NSUN7: variants seen among roughly 807,000 people sequenced by gnomAD.
NSUN7 encodes the protein protein NSUN7.
A neutral mutation model predicts 58.5 loss-of-function variants in NSUN7; 39 were observed. The ratio of observed to expected loss-of-function variants is 0.67; its 90% CI spans 0.52 to 0.87. NSUN7 has a LOEUF of 0.87. Ranked by LOEUF, NSUN7 falls within the 40% of genes least tolerant of loss-of-function variation. The pLI, the probability that NSUN7 is intolerant of heterozygous loss-of-function variation, is 0.00. For missense variants in NSUN7, 765 were observed against 844.1 expected, an observed-to-expected ratio of 0.91 and a Z score of 1.16; for synonymous variants, 278 against 303.7, an observed-to-expected ratio of 0.92 and a Z score of 0.88.
intron 10 of NSUN7, among the ~76,000 whole-genome samples, chr4:40,804,161 C>A (rs1457308898): frequency 2.0e-5 from 3 of 152,098 alleles, no homozygotes; most frequent in Non-Finnish European, 4.4e-5. Flanking sequence ...CTAATGGGGC[C>A]GGGCATGGTG....
chr4:40,750,662 G>C lies in NSUN7; in HGVS notation c.-32G>C, dbSNP rs1357689158. On this transcript the variant is annotated 5_prime_UTR_variant, in exon 2 of 12. Transcript: ENST00000381782. ...TGGAACATCGGAATTCTAACCCCAG[G>C]GTGAAGGACTCACGACAGGCGAGGG... 1 of 1,604,378 alleles carries C rather than the reference G, an allele frequency of 6.2e-7. No homozygotes were observed. Among genetic ancestry groups the C allele is most frequent in the Non-Finnish European group, 8.5e-7 (1 of 1,174,272 alleles).
intron 2 of NSUN7, among the ~76,000 whole-genome samples, chr4:40,751,826 C>T (rs145131062): frequency 6.6e-6 from 1 of 151,964 alleles, no homozygotes; most frequent in African/African-American, 2.4e-5. Flanking sequence ...GATCTCCTCT[C>T]TACAAAAAAA....
In NSUN7 at chr4:40,774,813, G is replaced by A. The variant is rs760093352; in HGVS notation, c.688G>A (p.Val230Ile). 12 of 1,560,264 alleles carry A rather than the reference G, an allele frequency of 7.7e-6. No individual in the cohort carries two copies. The highest frequency in any genetic ancestry group is 1.1e-5 in the Non-Finnish European group (12 of 1,136,708). ...TTTGAAGAGAAGAGGCTATAATAAA[G>A]TCAAATCTGTATTGCATATTGATGA... is the stretch of plus-strand genomic sequence containing the variant. ...NNLKRRGYNK[V>I]KSVLHIDDKV... Residue 230 changes from valine (V) to isoleucine (I), a missense_variant, in exon 6 of 12, where the codon GTC becomes ATC. Physicochemically the swap from Val to Ile is conservative, Grantham distance 29. Transcript: ENST00000381782.
At chr4:40,783,526 T>G (rs1262630106) in intron 7 of NSUN7, among the ~76,000 whole-genome samples, 1 of 152,096 alleles carries the variant, frequency 6.6e-6, no homozygotes, top group Admixed American at 6.6e-5. Context: ...AATTAAAAAC[T>G]TTTGTGCTTC....
intron 11 of NSUN7, among the ~76,000 whole-genome samples, chr4:40,807,861 G>A (rs1196089141): frequency 6.6e-6 from 1 of 152,036 alleles, no homozygotes; most frequent in Non-Finnish European, 1.5e-5. Context: ...GGCCAACATG[G>A]TTCACTCCAT....
chr4:40,759,206 T>C (rs1452648999), intron 2 of NSUN7, among the ~76,000 whole-genome samples: 2 of 151,212 alleles, frequency 1.3e-5, no homozygotes, highest in East Asian at 3.9e-4. Context: ...AGCTGCTTGG[T>C]AGGCTGAGAC....
chr4:40,771,836 C>T (rs1186515634), intron 4 of NSUN7, among the ~76,000 whole-genome samples: 1 of 151,160 alleles, frequency 6.6e-6, no homozygotes, highest in African/African-American at 2.4e-5. Flanking sequence ...AGGCAGCTCT[C>T]TGTGATAACA....
chr4:40,788,277 G>A (rs1040247241), intron 7 of NSUN7, among the ~76,000 whole-genome samples: 2 of 152,200 alleles, frequency 1.3e-5, no homozygotes, highest in African/African-American at 4.8e-5. Context: ...AGAAGTCTAT[G>A]TTAAAGATAC....
intron 7 of NSUN7, among the ~76,000 whole-genome samples, chr4:40,789,866 G>A (rs1049839016): frequency 3.9e-5 from 6 of 152,118 alleles, no homozygotes; most frequent in Non-Finnish European, 7.4e-5. Flanking sequence ...TTCAGCAGGT[G>A]AGGCGTGATA....
intron 4 of NSUN7, 54 bp downstream of exon 4, chr4:40,761,355 A>G: frequency 2.2e-6 from 3 of 1,394,534 alleles, no homozygotes; most frequent in Non-Finnish European, 3.0e-6. Flanking sequence ...TGGTATTGTT[A>G]TTGGTAAAAT....
At chr4:40,783,284 A>G (rs1220555346) in intron 7 of NSUN7, among the ~76,000 whole-genome samples, 1 of 152,238 alleles carries the variant, frequency 6.6e-6, no homozygotes, top group Non-Finnish European at 1.5e-5. Flanking sequence ...CTTTTCAACA[A>G]ATGGTGCTGG....
chr4:40,787,873 C>G (rs1742905059), intron 7 of NSUN7, among the ~76,000 whole-genome samples: 1 of 152,126 alleles, frequency 6.6e-6, no homozygotes, highest in South Asian at 2.1e-4. Flanking sequence ...GCTCTGTCGC[C>G]CAGACGACTA....
chr4:40,765,483 G>A (rs1741679355), intron 4 of NSUN7, among the ~76,000 whole-genome samples: 1 of 151,362 alleles, frequency 6.6e-6, no homozygotes, highest in South Asian at 2.1e-4. Context: ...GGTTACTGTA[G>A]CCTTGTAGTA....
chr4:40,807,275 G>A (rs1743845415), intron 11 of NSUN7, 91 bp downstream of exon 11: 1 of 1,174,440 alleles, frequency 8.5e-7, no homozygotes. Context: ...TGCACATTCT[G>A]TAAAGATGTG....
chr4:40,807,269 C>T (rs1743844939), intron 11 of NSUN7, 85 bp downstream of exon 11: 1 of 1,257,778 alleles, frequency 8.0e-7, no homozygotes, highest in East Asian at 2.6e-5. Context: ...GAACTTTGCA[C>T]ATTCTGTAAA....
At chr4:40,799,559 A>AGCCAC (rs1486714519) in intron 10 of NSUN7, among the ~76,000 whole-genome samples, 1 of 152,174 alleles carries the variant, frequency 6.6e-6, no homozygotes, top group Non-Finnish European at 1.5e-5. Flanking sequence ...ATTTTAGGCA[A>AGCCAC]GCCATGATTA....
intron 7 of NSUN7, among the ~76,000 whole-genome samples, chr4:40,785,938 T>G (rs945550249): frequency 2.6e-5 from 4 of 152,186 alleles, no homozygotes; most frequent in African/African-American, 4.8e-5. Context: ...CGCCCACGCC[T>G]CCCTGGTGCC....
intron 2 of NSUN7, among the ~76,000 whole-genome samples, chr4:40,754,216 C>T (rs540581448): frequency 1.5e-4 from 23 of 150,662 alleles, no homozygotes; most frequent in Non-Finnish European, 2.5e-4. Flanking sequence ...CGCGCAATCT[C>T]GGTTCACTGC....
chr4:40,752,524 C>T (rs1307974219), intron 2 of NSUN7, among the ~76,000 whole-genome samples: 2 of 152,154 alleles, frequency 1.3e-5, no homozygotes, highest in African/African-American at 4.8e-5. Flanking sequence ...GGGTTCACGC[C>T]ATTCTCCTGC....
Sources: gnomAD v4.1 joint callset for allele counts (sites outside exome capture counted in the v4.1 genomes callset) on GRCh38, gnomAD v4.1.1 for gene constraint, MANE v1.5 for transcripts, NCBI Gene and HGNC (gene_info 2026-07-23, HGNC 2026-07-21) for gene names.